Variants in SFI1 observed in about 807,000 individuals in gnomAD.
SFI1 encodes the protein SFI1 centrin binding protein, also known as protein SFI1 homolog.
SFI1 carries 195 observed loss-of-function variants against 207.5 expected under a neutral mutation model. The ratio of observed to expected loss-of-function variants is 0.94; its 90% CI spans 0.84 to 1.06. The LOEUF is 1.06. Ranked by LOEUF, SFI1 falls within the 50% of genes least tolerant of loss-of-function variation. SFI1 has a pLI of 0.00. For synonymous variants in SFI1, 630 were observed against 598.9 expected (o/e 1.05, Z -0.76); for missense variants, 1,634 against 1,588.0 (o/e 1.03, Z -0.49).
chr22:31,577,522 C>G (rs781623745), intron 10 of SFI1, among the ~76,000 whole-genome samples: 3 of 152,180 alleles, frequency 2.0e-5, no homozygotes, highest in East Asian at 1.9e-4. Context: ...ATCCTCCCCC[C>G]TCAGCCTACG....
At chr22:31,581,239 A>G (rs1424518134) in intron 12 of SFI1, among the ~76,000 whole-genome samples, 1 of 151,808 alleles carries the variant, frequency 6.6e-6, no homozygotes, top group African/African-American at 2.4e-5. Context: ...TTCGCCTCTC[A>G]AAGTGCTGGG....
intron 17 of SFI1, among the ~76,000 whole-genome samples, chr22:31,603,001 G>A (rs2068364001): frequency 6.6e-6 from 1 of 152,242 alleles, no homozygotes; most frequent in South Asian, 2.1e-4. Context: ...GGGAGGCTGA[G>A]GCGGGCAGAT....
chr22:31,616,672 A>T (rs45594940), intron 29 of SFI1, 73 bp from the exon 30 acceptor site: 245 of 1,474,746 alleles, frequency 1.7e-4, no homozygotes, highest in Non-Finnish European at 2.1e-4. Context: ...AGGCAGTGAC[A>T]AGGACTTGGT....
At chr22:31,505,273 T>C (rs2054447080) in intron 1 of SFI1, among the ~76,000 whole-genome samples, 1 of 151,750 alleles carries the variant, frequency 6.6e-6, no homozygotes, top group African/African-American at 2.4e-5. Flanking sequence ...ACCCCATCTC[T>C]ACTAAAAATA....
intron 15 of SFI1, among the ~76,000 whole-genome samples, chr22:31,599,674 C>G (rs1266525576): frequency 6.6e-6 from 1 of 151,284 alleles, no homozygotes; most frequent in Non-Finnish European, 1.5e-5. Context: ...AAGGGTCTCA[C>G]TATGTCACCC....
chr22:31,604,216 TCA>T, intron 18 of SFI1, 91 bp from the exon 19 acceptor site: 1 of 946,102 alleles, frequency 1.1e-6, no homozygotes, highest in Non-Finnish European at 1.6e-6. Context: ...TAATTTACAC[TCA>T]CACAGATGAT....
rs774066311 is a variant in SFI1 at position 31,508,309 on chromosome 22, T to C, written c.25T>C (p.Cys9Arg). Reference sequence around the variant, plus strand: ...CATGAAGAATCTGCTCACTGAGAAGTGTATATCAAGCCACAATTTCCATCA... The same window carrying C: ...CATGAAGAATCTGCTCACTGAGAAGCGTATATCAAGCCACAATTTCCATCA... MKNLLTEK[C>R]ISSHNFHQKV... The change falls in exon 2 of 33, where the codon TGT (cysteine) becomes CGT (arginine). Residue 9 changes from cysteine to arginine, a missense_variant. Transcript: ENST00000400288. 6.2e-7 allele frequency: 1 copy of C among 1,612,880 alleles called. No homozygotes were observed. The highest frequency in any genetic ancestry group is 8.5e-7 in the Non-Finnish European group (1 of 1,179,188).
At chr22:31,531,576 C>G (rs1257465311) in intron 4 of SFI1, among the ~76,000 whole-genome samples, 1 of 151,132 alleles carries the variant, frequency 6.6e-6, no homozygotes, top group Non-Finnish European at 1.5e-5. Context: ...CCTGGCCAAC[C>G]TGGTGAAACC....
intron 6 of SFI1, among the ~76,000 whole-genome samples, chr22:31,556,655 T>A (rs532036170): frequency 7.2e-5 from 11 of 152,334 alleles, no homozygotes; most frequent in Non-Finnish European, 1.5e-4. Context: ...CGTCTAAAAA[T>A]TGCAGAGTAT....
rs944042975 is a variant in SFI1, at chr22:31,558,375, T to A, written c.662+1316T>A. Among the ~76,000 whole-genome samples the A allele has an allele frequency of 7.2e-5, 11 of 152,004 alleles. 1 individual carries two copies. Among genetic ancestry groups the A allele is most frequent in the East Asian group, 5.8e-4 (3 of 5,202 alleles). On this transcript the variant is annotated intron_variant, in intron 7 of 32. Transcript: ENST00000400288. ...AGACCCTATCTCTACACACAAAAAA[T>A]TTTTTTAAATAATTAAAATCATTAC...
At chr22:31,523,341 A>C (rs2057503175) in intron 2 of SFI1, among the ~76,000 whole-genome samples, 1 of 152,212 alleles carries the variant, frequency 6.6e-6, no homozygotes, top group Admixed American at 6.6e-5. Context: ...ACCCACCTTC[A>C]GTGTAAATGT....
chr22:31,584,745 A>G (rs1358228161), intron 13 of SFI1, among the ~76,000 whole-genome samples: 2 of 152,092 alleles, frequency 1.3e-5, no homozygotes, highest in Non-Finnish European at 2.9e-5. Flanking sequence ...GTGGACCCCC[A>G]GCGTTTGGCC....
chr22:31,613,220 A>T lies in SFI1; in HGVS notation c.2565+4A>T. The T allele has an allele frequency of 6.2e-7, 1 of 1,613,686 alleles. No individual in the cohort carries two copies. On this transcript the variant is annotated splice_donor_region_variant and intron_variant, in intron 25 of 32. Coordinates refer to ENST00000400288, the MANE Select transcript of SFI1 (RefSeq NM_001007467.3). ...GGCCTTCTCGCTGCAGGCAAAGGTAATTGGGGCTCTGCATCCTACCATCCC... is the reference window on the plus strand; with the variant it reads ...GGCCTTCTCGCTGCAGGCAAAGGTATTTGGGGCTCTGCATCCTACCATCCC...
intron 4 of SFI1, among the ~76,000 whole-genome samples, chr22:31,540,267 T>A (rs894502892): frequency 2.0e-5 from 3 of 148,602 alleles, no homozygotes; most frequent in East Asian, 1.9e-4. Context: ...TATTTTATTT[T>A]ATTTATTTAT....
intron 4 of SFI1, among the ~76,000 whole-genome samples, chr22:31,537,686 C>A (rs1206633276): frequency 6.6e-6 from 1 of 152,112 alleles, no homozygotes; most frequent in African/African-American, 2.4e-5. Flanking sequence ...TAAGCAGCTA[C>A]CAGAATTAGA....
At chr22:31,605,050 C>A in intron 20 of SFI1, 105 bp downstream of exon 20, 1 of 1,038,704 alleles carries the variant, frequency 9.6e-7, no homozygotes, top group Non-Finnish European at 1.4e-6. Context: ...GGGGATGATC[C>A]CGGGTTCCTA....
At chr22:31,605,094 C>T (rs527278057) in intron 20 of SFI1, 149 bp downstream of exon 20, 3 of 655,992 alleles carry the variant, frequency 4.6e-6, no homozygotes, top group African/African-American at 1.9e-5. Flanking sequence ...TTTTCCACTT[C>T]ACTCACGGGT....
At chr22:31,604,655 A>G (rs1603325010) in intron 19 of SFI1, 5 of 586,782 alleles carry the variant, frequency 8.5e-6, no homozygotes, top group South Asian at 2.2e-5. Context: ...CTGGAGTCCC[A>G]TGGTTTGACT....
chr22:31,572,526 T>C (rs1171766213), intron 8 of SFI1, among the ~76,000 whole-genome samples: 1 of 151,954 alleles, frequency 6.6e-6, no homozygotes, highest in Non-Finnish European at 1.5e-5. Context: ...TTGTTTTGAG[T>C]TGGTCGCTCT....
Sources: gnomAD v4.1 joint callset for allele counts (sites outside exome capture counted in the v4.1 genomes callset) on GRCh38, gnomAD v4.1.1 for gene constraint, MANE v1.5 for transcripts, NCBI Gene and HGNC (gene_info 2026-07-23, HGNC 2026-07-21) for gene names.